The following CADM2 variants were observed in gnomAD, a reference collection of about 807,000 sequenced individuals.
CADM2 encodes cell adhesion molecule 2, also known as immunoglobulin superfamily member 4D.
Under a neutral mutation model 49.8 loss-of-function variants are expected in CADM2, and 12 were observed. The observed-to-expected ratio is 0.24, with a 90% CI of 0.15 to 0.39. The LOEUF (loss-of-function observed/expected upper bound fraction) is 0.39. Among genes scored for constraint, CADM2 ranks in the 10% least tolerant of loss-of-function variants. CADM2 has a pLI of 1.00. For synonymous variants in CADM2, 214 were observed against 175.4 expected, an observed-to-expected ratio of 1.22 and a Z score of -1.74; for missense variants, 378 against 492.3, an observed-to-expected ratio of 0.77 and a Z score of 2.20.
chr3:85,013,356 C>T (rs1018295462), intron 1 of CADM2, among the ~76,000 whole-genome samples: 3 of 151,894 alleles, frequency 2.0e-5, no homozygotes, highest in Admixed American at 2.0e-4. Context: ...GGCATTAAAA[C>T]TTACCTGAGA....
chr3:85,746,116 A>G (rs1043025920), intron 2 of CADM2, among the ~76,000 whole-genome samples: 1 of 152,206 alleles, frequency 6.6e-6, no homozygotes, highest in Non-Finnish European at 1.5e-5. Context: ...TTTAATTTTA[A>G]CAACTTCAAT....
At chr3:85,772,730 C>A (rs1460676753) in intron 2 of CADM2, among the ~76,000 whole-genome samples, 32 of 151,790 alleles carry the variant, frequency 2.1e-4, no homozygotes, top group Admixed American at 2.1e-3. Context: ...TACAAAATGC[C>A]ACTGACAGTC....
intron 2 of CADM2, among the ~76,000 whole-genome samples, chr3:85,783,629 A>G (rs1270909787): frequency 6.6e-6 from 1 of 152,208 alleles, no homozygotes; most frequent in Non-Finnish European, 1.5e-5. Flanking sequence ...GAAGTGCATT[A>G]CATGCCAAAA....
rs1406450633 is a variant in CADM2 at position 85,717,269 on chromosome 3, A to G, written c.62-9253A>G. Among the ~76,000 whole-genome samples the G allele has an allele frequency of 2.6e-5, 4 of 152,114 alleles. No individual in the cohort carries two copies. In the East Asian group the frequency reaches 7.8e-4, roughly 30 times the overall value. ...TCTCTTTGTGGCAATTGTGAATGGG[A>G]CTTTGCTCATGATTTGGCTCTCTGT... On this transcript the variant is annotated intron_variant, in intron 1 of 9. Coordinates refer to ENST00000383699, the MANE Select transcript of CADM2 (RefSeq NM_001167675.2).
chr3:85,410,445 G>A (rs528180525), intron 1 of CADM2, among the ~76,000 whole-genome samples: 6 of 151,890 alleles, frequency 4.0e-5, no homozygotes, highest in Non-Finnish European at 7.4e-5. Flanking sequence ...GATTTTTCTC[G>A]TGCAGCTCAT....
chr3:85,817,147 T>C (rs1393429190), intron 3 of CADM2, among the ~76,000 whole-genome samples: 4 of 152,178 alleles, frequency 2.6e-5, no homozygotes, highest in Non-Finnish European at 5.9e-5. Context: ...GAGGTAGCGT[T>C]ATTTTAGTAC....
chr3:85,883,198 A>C, intron 3 of CADM2, 93 bp from the exon 4 acceptor site: 1 of 957,526 alleles, frequency 1.0e-6, no homozygotes, highest in South Asian at 3.0e-5. Context: ...GGCCAAAGAA[A>C]ACATTTATTG....
chr3:85,996,432 G>A (rs1184812167), intron 8 of CADM2, among the ~76,000 whole-genome samples: 1 of 151,146 alleles, frequency 6.6e-6, no homozygotes, highest in Non-Finnish European at 1.5e-5. Flanking sequence ...CGAGTAGCTG[G>A]GACTACAGGC....
chr3:86,010,738 CTT>C (rs1731399600), intron 8 of CADM2, among the ~76,000 whole-genome samples: 1 of 151,072 alleles, frequency 6.6e-6, no homozygotes, highest in Non-Finnish European at 1.5e-5. Flanking sequence ...GTAAAGCAGA[CTT>C]TAGAATTTAT....
chr3:85,727,754 A>G lies in CADM2; in HGVS notation c.88+1206A>G, dbSNP rs142123191. On this transcript the variant is annotated intron_variant, in intron 2 of 9. Coordinates refer to ENST00000383699, the MANE Select transcript of CADM2 (RefSeq NM_001167675.2). ...TAAAGGGAACCAGGGGGAGATGCAT[A>G]TCAGCACTGGAATCATCAGAGACCA... 8.3e-4 allele frequency among the ~76,000 whole-genome samples: 127 copies of G among 152,256 alleles called. 1 individual carries two copies. Among genetic ancestry groups the G allele is most frequent in the African/African-American group, 2.9e-3 (121 of 41,574 alleles).
At chr3:85,570,867 C>T (rs2062455474) in intron 1 of CADM2, among the ~76,000 whole-genome samples, 3 of 152,236 alleles carry the variant, frequency 2.0e-5, no homozygotes, top group African/African-American at 7.2e-5. Context: ...GTGTGTGAGT[C>T]TAATCAGGTG....
intron 1 of CADM2, among the ~76,000 whole-genome samples, chr3:85,151,449 A>G (rs2039920286): frequency 6.6e-6 from 1 of 151,864 alleles, no homozygotes; most frequent in South Asian, 2.1e-4. Context: ...GGAGCCCTTC[A>G]TTATTTCAGT....
At chr3:85,083,348 T>A (rs749739181) in intron 1 of CADM2, among the ~76,000 whole-genome samples, 3 of 152,166 alleles carry the variant, frequency 2.0e-5, no homozygotes, top group Non-Finnish European at 4.4e-5. Context: ...AAATTCTGAT[T>A]CAATTTCAAT....
intron 1 of CADM2, among the ~76,000 whole-genome samples, chr3:85,347,734 C>T (rs190678609): frequency 2.9e-4 from 43 of 150,438 alleles, no homozygotes; most frequent in Non-Finnish European, 4.7e-4. Flanking sequence ...TTCCGCCTTC[C>T]AGGTTGAAGT....
At chr3:85,092,551 G>C (rs1304294005) in intron 1 of CADM2, among the ~76,000 whole-genome samples, 1 of 152,160 alleles carries the variant, frequency 6.6e-6, no homozygotes, top group Admixed American at 6.6e-5. Context: ...ATGAATAAAT[G>C]TAAGAATCAT....
intron 1 of CADM2, among the ~76,000 whole-genome samples, chr3:85,273,295 T>G (rs2043284665): frequency 1.3e-5 from 2 of 151,294 alleles, no homozygotes; most frequent in East Asian, 3.9e-4. Flanking sequence ...GAGTGGTTAT[T>G]CTGGATGAGG....
chr3:85,466,342 G>A (rs1232234176), intron 1 of CADM2, among the ~76,000 whole-genome samples: 2 of 152,114 alleles, frequency 1.3e-5, no homozygotes, highest in Non-Finnish European at 2.9e-5. Flanking sequence ...TTAATTTCAG[G>A]AGGAGTTTTT....
intron 1 of CADM2, among the ~76,000 whole-genome samples, chr3:85,319,622 T>A (rs960532923): frequency 6.6e-6 from 1 of 151,958 alleles, no homozygotes; most frequent in Non-Finnish European, 1.5e-5. Flanking sequence ...CATAAAAAAA[T>A]GAGATCATGT....
intron 1 of CADM2, among the ~76,000 whole-genome samples, chr3:85,040,495 T>C (rs1036274363): frequency 6.6e-6 from 1 of 152,046 alleles, no homozygotes. Context: ...CAATTCTTGT[T>C]TTCATTTTCC....
Sources: allele counts gnomAD v4.1 joint callset (sites outside exome capture counted in the v4.1 genomes callset), GRCh38; gene constraint gnomAD v4.1.1; transcripts MANE v1.5; gene names NCBI Gene and HGNC (gene_info 2026-07-23, HGNC 2026-07-21).